The following TET1 variants were observed in gnomAD, a reference collection of about 807,000 sequenced individuals.
TET1 encodes the protein tet methylcytosine dioxygenase 1, also known as methylcytosine dioxygenase TET1.
In TET1, 13 loss-of-function variants were observed where a neutral mutation model predicts 148.7. The ratio of observed to expected loss-of-function variants is 0.09; its 90% CI spans 0.06 to 0.14. TET1 has a LOEUF of 0.14. Ranked by LOEUF, TET1 falls within the 10% of genes least tolerant of loss-of-function variation. The pLI is 1.00. For missense variants in TET1, 2,182 were observed against 2,553.8 expected, an observed-to-expected ratio of 0.85 and a Z score of 3.14; for synonymous variants, 907 against 937.2, an observed-to-expected ratio of 0.97 and a Z score of 0.59.
chr10:68,608,389 C>T (rs1318934369), intron 3 of TET1, among the ~76,000 whole-genome samples: 1 of 151,940 alleles, frequency 6.6e-6, no homozygotes, highest in Non-Finnish European at 1.5e-5. Flanking sequence ...GCGTCCGCCA[C>T]CATGCCTGGC....
intron 3 of TET1, among the ~76,000 whole-genome samples, chr10:68,618,944 G>A (rs2054332284): frequency 6.6e-6 from 1 of 152,094 alleles, no homozygotes; most frequent in South Asian, 2.1e-4. Context: ...TCCAGCTTGG[G>A]TGACAGAATT....
chr10:68,565,263 A>G lies in TET1; in HGVS notation c.-123+4521A>G, dbSNP rs529346937. ...AGGCTCAGGAGGGCAGATGACTTGAAGCTAGGAGTTTGAGAGTGGCCTGGG... is the reference window on the plus strand; with the variant it reads ...AGGCTCAGGAGGGCAGATGACTTGAGGCTAGGAGTTTGAGAGTGGCCTGGG... On this transcript the variant is annotated intron_variant, in intron 1 of 11. Coordinates refer to ENST00000373644, the MANE Select transcript of TET1 (RefSeq NM_030625.3). 2.0e-4 allele frequency among the ~76,000 whole-genome samples: 31 copies of G among 152,044 alleles called. No individual in the cohort carries two copies. The South Asian group carries it at 2.3e-3, about 11-fold the overall frequency.
In TET1 at chr10:68,646,396, C is replaced by G. The variant is rs1282517618; in HGVS notation, c.3667C>G (p.Leu1223Val). Residue 1223 changes from leucine (L) to valine (V), a missense_variant, in exon 4 of 12, where the codon CTG becomes GTG. Leu to Val is a conservative substitution (Grantham distance 32). Coordinates refer to ENST00000373644, the MANE Select transcript of TET1 (RefSeq NM_030625.3). The stretch of plus-strand genomic sequence containing the variant: ...TTCCTCGACCAAAATATGGAAACCA[C>G]TGGCTCAAACGAGGTCCATTATGCA... ...ISSSTKIWKPLAQTRSIMQPK... is the reference protein window; with the variant it reads ...ISSSTKIWKPVAQTRSIMQPK... The G allele has an allele frequency of 6.2e-7, 1 of 1,614,192 alleles. No individual in the cohort carries two copies. The highest frequency in any genetic ancestry group is 1.7e-5 in the Admixed American group (1 of 60,016).
At chr10:68,635,865 C>G (rs934678031) in intron 3 of TET1, among the ~76,000 whole-genome samples, 11 of 152,050 alleles carry the variant, frequency 7.2e-5, no homozygotes, top group African/African-American at 2.2e-4. Context: ...AAAGTAGAGT[C>G]CTCTAGGAGT....
intron 3 of TET1, among the ~76,000 whole-genome samples, chr10:68,608,517 G>T (rs1324238645): frequency 6.6e-6 from 1 of 152,026 alleles, no homozygotes; most frequent in Non-Finnish European, 1.5e-5. Flanking sequence ...TTATAGGCGT[G>T]AGCCACCGCG....
intron 1 of TET1, among the ~76,000 whole-genome samples, chr10:68,570,387 G>A (rs201266240): frequency 5.9e-5 from 9 of 151,800 alleles, no homozygotes; most frequent in East Asian, 1.9e-4. Context: ...TTACAGGCGT[G>A]AGCCACCGCG....
chr10:68,624,827 G>A, intron 3 of TET1, among the ~76,000 whole-genome samples: 1 of 147,148 alleles, frequency 6.8e-6, no homozygotes, highest in African/African-American at 2.5e-5. Context: ...CGCCTTCCGG[G>A]TTCACGCCAT....
At chr10:68,652,004 C>T (rs2054942563) in intron 5 of TET1, 68 bp downstream of exon 5, 2 of 1,390,310 alleles carry the variant, frequency 1.4e-6, no homozygotes, top group Non-Finnish European at 2.0e-6. Flanking sequence ...GATAAATCAT[C>T]TCTAAGAACA....
At chr10:68,685,597 A>G (rs2055498221) in intron 10 of TET1, among the ~76,000 whole-genome samples, 1 of 152,162 alleles carries the variant, frequency 6.6e-6, no homozygotes, top group African/African-American at 2.4e-5. Flanking sequence ...TTTTTAAAGC[A>G]GAATATTAAT....
chr10:68,577,659 A>T (rs1214219740), intron 2 of TET1, among the ~76,000 whole-genome samples: 1 of 152,030 alleles, frequency 6.6e-6, no homozygotes, highest in Non-Finnish European at 1.5e-5. Context: ...AATACAAAAA[A>T]TAGCAGAGCA....
chr10:68,594,582 C>T (rs1316206105), intron 2 of TET1, among the ~76,000 whole-genome samples: 1 of 152,178 alleles, frequency 6.6e-6, no homozygotes, highest in Non-Finnish European at 1.5e-5. Flanking sequence ...CAACCGCTTA[C>T]ATCCGGACTA....
At chr10:68,678,597 A>C (rs773033491) in intron 8 of TET1, among the ~76,000 whole-genome samples, 2 of 151,918 alleles carry the variant, frequency 1.3e-5, no homozygotes, top group Non-Finnish European at 2.9e-5. Flanking sequence ...TAAAAATAGA[A>C]AAATTAGCCG....
intron 2 of TET1, among the ~76,000 whole-genome samples, chr10:68,584,141 G>A (rs2053833109): frequency 6.6e-6 from 1 of 151,156 alleles, no homozygotes; most frequent in South Asian, 2.1e-4. Flanking sequence ...CCAGGTTCAA[G>A]CGATTCTCCT....
chr10:68,583,379 A>G (rs74854757), intron 2 of TET1, among the ~76,000 whole-genome samples: 3,290 of 152,280 alleles, frequency 0.022, 55 homozygotes, highest in Non-Finnish European at 0.033. Flanking sequence ...TACTAAAATA[A>G]GACACAACTT....
chr10:68,608,479 C>A (rs1261544531), intron 3 of TET1, among the ~76,000 whole-genome samples: 1 of 152,228 alleles, frequency 6.6e-6, no homozygotes, highest in East Asian at 1.9e-4. Flanking sequence ...TCGTGATCTA[C>A]CCGCCTTGGC....
At chr10:68,632,721 C>T in intron 3 of TET1, 2 of 1,606,562 alleles carry the variant, frequency 1.2e-6, no homozygotes, top group Non-Finnish European at 1.7e-6. Context: ...GCGGCAGCAG[C>T]AATTGAACAA....
At chr10:68,563,454 T>A (rs1341224559) in intron 1 of TET1, among the ~76,000 whole-genome samples, 1 of 152,252 alleles carries the variant, frequency 6.6e-6, no homozygotes, top group Non-Finnish European at 1.5e-5. Flanking sequence ...TAGAGCTGAA[T>A]GGAGGGACTA....
At chr10:68,595,953 TATATATATACAC>T (rs1245953031) in intron 2 of TET1, among the ~76,000 whole-genome samples, 11 of 33,022 alleles carry the variant, frequency 3.3e-4, no homozygotes, top group East Asian at 1.0e-3. Context: ...TATATATATA[TATATATATACAC>T]ACACACACAC....
At position 68,646,125 on chromosome 10, in the gene TET1, C is replaced by T; in HGVS notation, c.3396C>T (p.His1132=). ...AACAGAAACCACCTTCAAGTGTACACAATAATCATGGTTCATCATTAACAA... is the reference window on the plus strand; with the variant it reads ...AACAGAAACCACCTTCAAGTGTACATAATAATCATGGTTCATCATTAACAA... ...TIQQKPPSSV[H]NNHGSSLTKQ... is the part of the protein sequence containing the mutation. Residue 1132 remains histidine, a synonymous_variant, in exon 4 of 12, where the codon CAC becomes CAT. Coordinates refer to ENST00000373644, the MANE Select transcript of TET1 (RefSeq NM_030625.3). 6.2e-7 allele frequency: 1 copy of T among 1,613,666 alleles called. No homozygotes were observed. Among genetic ancestry groups the T allele is most frequent in the Admixed American group, 1.7e-5 (1 of 59,880 alleles).
Sources: allele counts gnomAD v4.1 joint callset (sites outside exome capture counted in the v4.1 genomes callset), GRCh38; gene constraint gnomAD v4.1.1; transcripts MANE v1.5; gene names NCBI Gene and HGNC (gene_info 2026-07-23, HGNC 2026-07-21).